SLC12A8: variants seen among roughly 807,000 people sequenced by gnomAD.
SLC12A8 encodes cation-chloride cotransporter 9.
In SLC12A8, 69 loss-of-function variants were observed where a neutral mutation model predicts 75.6. The ratio of observed to expected loss-of-function variants is 0.91; its 90% confidence interval spans 0.75 to 1.11. SLC12A8 has a LOEUF of 1.11. SLC12A8 is among the 50% of genes most tolerant of loss of function. The pLI, the probability that SLC12A8 is intolerant of heterozygous loss-of-function variation, is 0.00. For missense variants in SLC12A8, 877 were observed against 896.7 expected, an observed-to-expected ratio of 0.98 and a Z score of 0.28; for synonymous variants, 365 against 372.8, an observed-to-expected ratio of 0.98 and a Z score of 0.24.
chr3:125,208,771 CACACACACACACACACACACAG>C (rs1207236324), intron 2 of SLC12A8, among the ~76,000 whole-genome samples: 14 of 125,980 alleles, frequency 1.1e-4, no homozygotes, highest in African/African-American at 3.0e-5. Flanking sequence ...CACACACACA[CACACACACACACACACACACAG>C]AGAGAGAGAG....
intron 10 of SLC12A8, among the ~76,000 whole-genome samples, chr3:125,095,873 A>G (rs990327083): frequency 3.9e-5 from 6 of 152,172 alleles, no homozygotes; most frequent in Non-Finnish European, 7.3e-5. Context: ...TACCCTAATT[A>G]ATATACCTCC....
At chr3:125,109,772 T>C (rs962604005) in intron 9 of SLC12A8, among the ~76,000 whole-genome samples, 1 of 152,076 alleles carries the variant, frequency 6.6e-6, no homozygotes, top group African/African-American at 2.4e-5. Flanking sequence ...CAAGGGGCGG[T>C]TGAAACTCAA....
chr3:125,095,462 C>T (rs1447072088), intron 10 of SLC12A8, among the ~76,000 whole-genome samples: 1 of 152,212 alleles, frequency 6.6e-6, no homozygotes, highest in Non-Finnish European at 1.5e-5. Context: ...CTAGTCCAAC[C>T]CACTTTCATC....
intron 5 of SLC12A8, among the ~76,000 whole-genome samples, chr3:125,158,674 G>C (rs1934100777): frequency 6.6e-6 from 1 of 152,126 alleles, no homozygotes; most frequent in African/African-American, 2.4e-5. Context: ...CTTCTCTGCT[G>C]TTTGCAAATC....
In SLC12A8 at chr3:125,118,773, T is replaced by C; in HGVS notation, c.908A>G (p.Glu303Gly). Residue 303 changes from glutamate (E) to glycine (G), a missense_variant, in exon 8 of 14, where the codon GAA (glutamate) becomes GGA (glycine). By Grantham distance (98) the Glu-to-Gly change is moderately conservative. Transcript: ENST00000469902. The stretch of plus-strand genomic sequence containing the variant: ...AGTAGCGCAGGCCTCACTCACCTTT[T>C]CCGCTATCAGGAAGTCATAGCGAAG... Reference protein sequence around the residue: ...EALRYDFLIAEKVSLMGFLFL... With the variant: ...EALRYDFLIAGKVSLMGFLFL... 5.6e-6 allele frequency: 9 copies of C among 1,613,076 alleles called. No homozygotes were observed. Among genetic ancestry groups the C allele is most frequent in the Non-Finnish European group, 7.6e-6 (9 of 1,179,292 alleles).
At chr3:125,086,176 C>G (rs1938457269) in intron 13 of SLC12A8, among the ~76,000 whole-genome samples, 1 of 152,152 alleles carries the variant, frequency 6.6e-6, no homozygotes, top group South Asian at 2.1e-4. Context: ...GCCACTGCGC[C>G]CAGCCTTTCT....
intron 6 of SLC12A8, among the ~76,000 whole-genome samples, chr3:125,122,808 C>T (rs1933097340): frequency 6.6e-6 from 1 of 152,084 alleles, no homozygotes; most frequent in South Asian, 2.1e-4. Context: ...TAAACAAATA[C>T]ACGCATAAAT....
Position 125,084,044 on chromosome 3 carries a change from C to T in SLC12A8, c.1991G>A (p.Arg664Gln), listed in dbSNP as rs2981482. The T allele has an allele frequency of 0.53, 858,890 of 1,605,432 alleles. 233,654 individuals are homozygous for T. The highest frequency in any genetic ancestry group is 0.78 in the African/African-American group (58,460 of 74,562). The change falls in exon 14 of 14, where the codon CGG becomes CAG. Residue 664 changes from arginine (R) to glutamine (Q), a missense_variant. Transcript: ENST00000469902. ...SLLLPSCRSLRSPQEQIILAP... is the reference protein window; with the variant it reads ...SLLLPSCRSLQSPQEQIILAP... ...CAAGATGATCTGCTCCTGAGGGGAC[C>T]GCAAGCTCCTGCAGTGAGAGAGACA...
At chr3:125,123,975 C>T (rs1222295660) in intron 6 of SLC12A8, among the ~76,000 whole-genome samples, 1 of 152,102 alleles carries the variant, frequency 6.6e-6, no homozygotes, top group Non-Finnish European at 1.5e-5. Flanking sequence ...CTGATTCATC[C>T]TAATTGCTTC....
intron 2 of SLC12A8, among the ~76,000 whole-genome samples, chr3:125,199,303 C>G (rs1579543297): frequency 6.6e-6 from 1 of 152,154 alleles, no homozygotes; most frequent in Non-Finnish European, 1.5e-5. Context: ...AGTGGTCAAT[C>G]TGAATCGACT....
intron 2 of SLC12A8, among the ~76,000 whole-genome samples, chr3:125,196,865 G>A (rs1367795162): frequency 6.6e-6 from 1 of 152,164 alleles, no homozygotes; most frequent in Non-Finnish European, 1.5e-5. Context: ...GGAATTCAAG[G>A]TCACAGTGAG....
intron 12 of SLC12A8, 123 bp downstream of exon 12, chr3:125,091,316 A>T: frequency 1.5e-6 from 1 of 679,122 alleles, no homozygotes; most frequent in East Asian, 2.6e-5. Flanking sequence ...ACTATAAATT[A>T]TTTGAAAATG....
At chr3:125,191,671 G>A (rs1464066) in intron 2 of SLC12A8, among the ~76,000 whole-genome samples, 16,053 of 152,216 alleles carry the variant, frequency 0.11, 870 homozygotes, top group African/African-American at 0.14. Context: ...CAATGGGTGC[G>A]CCCAGGATCT....
At chr3:125,095,311 A>G (rs1277184546) in intron 10 of SLC12A8, among the ~76,000 whole-genome samples, 1 of 152,166 alleles carries the variant, frequency 6.6e-6, no homozygotes, top group Non-Finnish European at 1.5e-5. Flanking sequence ...TAACACCACC[A>G]TTTACACAAA....
intron 10 of SLC12A8, among the ~76,000 whole-genome samples, chr3:125,096,080 C>T (rs1238370510): frequency 6.6e-6 from 1 of 152,140 alleles, no homozygotes; most frequent in African/African-American, 2.4e-5. Flanking sequence ...TCACTGCTCT[C>T]CAGTCACTAC....
chr3:125,168,214 G>C (rs1470519079), intron 5 of SLC12A8, among the ~76,000 whole-genome samples: 2 of 152,048 alleles, frequency 1.3e-5, no homozygotes, highest in Non-Finnish European at 2.9e-5. Context: ...GCTAGACAGA[G>C]AAATAAAAGT....
At position 125,114,209 on chromosome 3, in the gene SLC12A8, A is replaced by G. The variant is rs549855885; in HGVS notation, c.913-3874T>C. On this transcript the variant is annotated intron_variant, in intron 8 of 13. Transcript: ENST00000469902. ...TCTGCTTCCCTTCCTGAGAGGCAGGACTGTGTCCACGATGGAGGGCAGAGG... is the reference window on the plus strand; with the variant it reads ...TCTGCTTCCCTTCCTGAGAGGCAGGGCTGTGTCCACGATGGAGGGCAGAGG... Among the ~76,000 whole-genome samples, 5 of 152,252 alleles carry G rather than the reference A, an allele frequency of 3.3e-5. No individual in the cohort carries two copies. In the South Asian group the frequency reaches 1.0e-3, roughly 32 times the overall value.
chr3:125,108,632 G>A (rs932089871), intron 9 of SLC12A8, among the ~76,000 whole-genome samples: 1 of 152,200 alleles, frequency 6.6e-6, no homozygotes. Flanking sequence ...GCCTACCAGA[G>A]TGTTAGGATT....
intron 5 of SLC12A8, among the ~76,000 whole-genome samples, chr3:125,173,325 C>G (rs1934446259): frequency 6.6e-6 from 1 of 151,936 alleles, no homozygotes; most frequent in African/African-American, 2.4e-5. Flanking sequence ...AGCAATGGAA[C>G]AGAAAAGAGA....
Sources: allele counts gnomAD v4.1 joint callset (sites outside exome capture counted in the v4.1 genomes callset), GRCh38; gene constraint gnomAD v4.1.1; transcripts MANE v1.5; gene names NCBI Gene and HGNC (gene_info 2026-07-23, HGNC 2026-07-21).